The following STK32B variants were observed in gnomAD, a reference collection of about 807,000 sequenced individuals.
STK32B encodes serine/threonine kinase 32B.
Under a neutral mutation model 52.6 loss-of-function variants are expected in STK32B, and 43 were observed. The ratio of observed to expected loss-of-function variants is 0.82; its 90% CI spans 0.64 to 1.05. The LOEUF (loss-of-function observed/expected upper bound fraction) is 1.05, where lower values mean the gene tolerates loss of function less well. STK32B is among the 50% of genes least tolerant of loss of function. The pLI, the probability that STK32B is intolerant of heterozygous loss-of-function variation, is 0.00. For synonymous variants in STK32B, 238 were observed against 204.3 expected (o/e 1.17, Z -1.41); for missense variants, 621 against 534.6 (o/e 1.16, Z -1.59).
At chr4:5,471,198 T>C (rs1416705773) in intron 11 of STK32B, among the ~76,000 whole-genome samples, 2 of 152,150 alleles carry the variant, frequency 1.3e-5, no homozygotes, top group Non-Finnish European at 1.5e-5. Context: ...TTGCATGGTG[T>C]CCCTCAAAAA....
At chr4:5,098,926 C>G (rs1486512307) in intron 1 of STK32B, among the ~76,000 whole-genome samples, 1 of 152,148 alleles carries the variant, frequency 6.6e-6, no homozygotes, top group East Asian at 1.9e-4. Flanking sequence ...TATTAGTATC[C>G]TATTGCTGCC....
At chr4:5,406,884 T>C (rs1737718933) in intron 5 of STK32B, among the ~76,000 whole-genome samples, 1 of 152,154 alleles carries the variant, frequency 6.6e-6, no homozygotes, top group South Asian at 2.1e-4. Context: ...GCTGTTAACA[T>C]TCAGCTCCCT....
intron 2 of STK32B, among the ~76,000 whole-genome samples, chr4:5,153,763 T>C (rs1023265403): frequency 1.4e-4 from 21 of 152,304 alleles, no homozygotes; most frequent in South Asian, 1.0e-3. Context: ...CACAGACTTA[T>C]GTTTTTTCTA....
intron 11 of STK32B, among the ~76,000 whole-genome samples, chr4:5,491,932 A>C (rs1719768531): frequency 6.6e-6 from 1 of 151,988 alleles, no homozygotes; most frequent in African/African-American, 2.4e-5. Flanking sequence ...TGTTCCATTG[A>C]TGTATATCTC....
At chr4:5,483,290 T>C (rs2109203898) in intron 11 of STK32B, among the ~76,000 whole-genome samples, 1 of 151,872 alleles carries the variant, frequency 6.6e-6, no homozygotes, top group Non-Finnish European at 1.5e-5. Context: ...ATTCAGAGAT[T>C]CAACTTCTTC....
chr4:5,218,316 G>A (rs1577205653), intron 3 of STK32B, among the ~76,000 whole-genome samples: 1 of 152,304 alleles, frequency 6.6e-6, no homozygotes, highest in East Asian at 1.9e-4. Context: ...TGTGGAAGAT[G>A]GATTGAGATA....
intron 3 of STK32B, among the ~76,000 whole-genome samples, chr4:5,197,482 GT>G (rs1268242828): frequency 6.6e-6 from 1 of 152,116 alleles, no homozygotes; most frequent in Non-Finnish European, 1.5e-5. Context: ...CTCTGTATCA[GT>G]TTTTTTCAGA....
chr4:5,052,962 TAAG>T (rs1577612146), intron 1 of STK32B, among the ~76,000 whole-genome samples: 1 of 152,162 alleles, frequency 6.6e-6, no homozygotes, highest in East Asian at 1.9e-4. Flanking sequence ...TTACTGCTGG[TAAG>T]AAGTAGAGCT....
intron 3 of STK32B, among the ~76,000 whole-genome samples, chr4:5,259,725 G>C (rs1726573671): frequency 6.6e-6 from 1 of 152,084 alleles, no homozygotes; most frequent in Non-Finnish European, 1.5e-5. Flanking sequence ...CCATGTGCTG[G>C]GATGAGAGCT....
chr4:5,032,468 C>T, the STK32B span, among the ~76,000 whole-genome samples: 1 of 94,410 alleles, frequency 1.1e-5, no homozygotes, highest in Admixed American at 1.5e-4. Flanking sequence ...CAAAGCAAGA[C>T]TCCATCTCAA....
At chr4:5,233,791 A>G (rs928975414) in intron 3 of STK32B, among the ~76,000 whole-genome samples, 4 of 151,840 alleles carry the variant, frequency 2.6e-5, no homozygotes, top group African/African-American at 9.7e-5. Context: ...GGTGAGGTCC[A>G]TGGAAACAAC....
chr4:5,357,449 AC>A (rs1318848480), intron 4 of STK32B, among the ~76,000 whole-genome samples: 2 of 152,134 alleles, frequency 1.3e-5, no homozygotes, highest in Admixed American at 1.3e-4. Context: ...AGTACAGAAC[AC>A]CAAGGAGCAA....
chr4:5,247,276 G>A (rs1460732181), intron 3 of STK32B, among the ~76,000 whole-genome samples: 1 of 152,162 alleles, frequency 6.6e-6, no homozygotes, highest in South Asian at 2.1e-4. Context: ...GCAATGGTGG[G>A]TGCCCCTCCC....
At chr4:5,266,699 T>C (rs906925321) in intron 3 of STK32B, among the ~76,000 whole-genome samples, 2 of 152,224 alleles carry the variant, frequency 1.3e-5, no homozygotes, top group Non-Finnish European at 2.9e-5. Flanking sequence ...GCACTGAGTA[T>C]GGGATGGGAA....
intron 5 of STK32B, among the ~76,000 whole-genome samples, chr4:5,413,789 T>C (rs1329832301): frequency 6.6e-6 from 1 of 152,148 alleles, no homozygotes; most frequent in African/African-American, 2.4e-5. Context: ...ACGGGCAGCC[T>C]CCTCTGCAGC....
intron 3 of STK32B, among the ~76,000 whole-genome samples, chr4:5,304,287 A>T (rs962732943): frequency 1.3e-5 from 2 of 152,128 alleles, no homozygotes; most frequent in African/African-American, 4.8e-5. Context: ...CGTTTTCACA[A>T]TGTTGATTAT....
intron 3 of STK32B, among the ~76,000 whole-genome samples, chr4:5,196,723 AAAAATAAAATAAAAT>A (rs57722522): frequency 0.048 from 6,945 of 145,480 alleles, 370 homozygotes; most frequent in African/African-American, 0.13. Flanking sequence ...TCTGTCTCAA[AAAAATAAAATAAAAT>A]AAAATAAAAT....
chr4:5,444,859 A>C (rs1157421295), intron 6 of STK32B, among the ~76,000 whole-genome samples: 1 of 152,226 alleles, frequency 6.6e-6, no homozygotes, highest in Non-Finnish European at 1.5e-5. Context: ...CTCCAGCAGC[A>C]CCAGTGGTCT....
At chr4:5,442,414 C>T (rs1358905208) in intron 6 of STK32B, among the ~76,000 whole-genome samples, 3 of 151,828 alleles carry the variant, frequency 2.0e-5, no homozygotes, top group East Asian at 3.9e-4. Context: ...TTATCAGAGA[C>T]TAGGATTGCA....
Sources: gnomAD v4.1 joint callset for allele counts (sites outside exome capture counted in the v4.1 genomes callset) on GRCh38, gnomAD v4.1.1 for gene constraint, MANE v1.5 for transcripts, NCBI Gene and HGNC (gene_info 2026-07-23, HGNC 2026-07-21) for gene names.